The following THBS2 variants were observed in gnomAD, a reference collection of about 807,000 sequenced individuals.
THBS2 encodes thrombospondin-2.
In THBS2, 47 loss-of-function variants were observed where a neutral mutation model predicts 135.2. The ratio of observed to expected loss-of-function variants is 0.35; its 90% confidence interval spans 0.28 to 0.44. The LOEUF (loss-of-function observed/expected upper bound fraction) is 0.44. Among genes scored for constraint, THBS2 ranks in the 20% least tolerant of loss-of-function variants. The probability of loss-of-function intolerance (pLI) is 1.00; values close to 1 mark genes in which losing one functional copy is unlikely to be tolerated. For missense variants in THBS2, 1,288 were observed against 1,603.1 expected (o/e 0.80, Z 3.36); for synonymous variants, 639 against 633.8 (o/e 1.01, Z -0.12).
chr6:169,233,028 G>A lies in THBS2; in HGVS notation c.1652-11C>T. 1 of 1,531,754 alleles carries A rather than the reference G, an allele frequency of 6.5e-7. No homozygotes were observed. The highest frequency in any genetic ancestry group is 8.7e-7 in the Non-Finnish European group (1 of 1,143,518). The allele number at this position is 1,531,754 out of a possible 1,614,324, so 94.9% of individuals were successfully genotyped here. ...TGGATAAACAGCCATCTGGGTGGGA[G>A]AAGGCGGAGCAGAGTTCACCACGCG... is the stretch of plus-strand genomic sequence containing the variant. On this transcript the variant is annotated splice_polypyrimidine_tract_variant and intron_variant, in intron 10 of 21. Coordinates refer to ENST00000617924, the MANE Select transcript of THBS2 (RefSeq NM_003247.5).
intron 21 of THBS2, among the ~76,000 whole-genome samples, chr6:169,218,213 T>G: frequency 1.5e-5 from 2 of 130,996 alleles, no homozygotes; most frequent in Non-Finnish European, 3.2e-5. Flanking sequence ...AATGGGTGGA[T>G]GGATGATGAG....
At chr6:169,247,689 C>T (rs1352434658) in intron 3 of THBS2, among the ~76,000 whole-genome samples, 1 of 150,358 alleles carries the variant, frequency 6.7e-6, no homozygotes, top group Non-Finnish European at 1.5e-5. Context: ...CTGTTTTGTG[C>T]ACACATGTAT....
chr6:169,249,843 A>G (rs1203711638), intron 2 of THBS2, among the ~76,000 whole-genome samples: 1 of 152,114 alleles, frequency 6.6e-6, no homozygotes, highest in Non-Finnish European at 1.5e-5. Flanking sequence ...ATCATGGCTA[A>G]CGTGGTGAAA....
At position 169,240,455 on chromosome 6, in the gene THBS2, G is replaced by T. The variant is rs755067615; in HGVS notation, c.1029C>A (p.Cys343Ter). 2 of 1,613,326 alleles carry T rather than the reference G, an allele frequency of 1.2e-6. No individual in the cohort carries two copies. The highest frequency in any genetic ancestry group is 1.7e-6 in the Non-Finnish European group (2 of 1,179,916). ...WVVDSCTTCTCKKFKTICHQI... is the reference protein window; with the variant it reads ...WVVDSCTTCT Reference sequence around the variant, plus strand: ...GAGCCGTGTTCTGGGGCCTCACCTTGCAGGTACACGTGGTGCAGCTGTCCA... The same window carrying T: ...GAGCCGTGTTCTGGGGCCTCACCTTTCAGGTACACGTGGTGCAGCTGTCCA... Residue 343 changes from cysteine (C) to a stop codon, truncating the protein, a stop_gained, in exon 6 of 22, where the codon TGC (cysteine) becomes TGA (stop). Transcript: ENST00000617924. LOFTEE classifies it high-confidence loss of function.
intron 4 of THBS2, among the ~76,000 whole-genome samples, chr6:169,242,634 A>AT (rs1562363073): frequency 0.017 from 93 of 5,636 alleles, 1 homozygote; most frequent in Admixed American, 0.03. Context: ...CCTTCCCACC[A>AT]CTCCCACCTT....
chr6:169,237,992 G>A (rs879333496), intron 7 of THBS2, among the ~76,000 whole-genome samples, 197 bp from the exon 8 acceptor site: 9 of 152,310 alleles, frequency 5.9e-5, no homozygotes, highest in East Asian at 3.9e-4. Context: ...TGACCTGCAC[G>A]GGAGTTCAGG....
intron 4 of THBS2, chr6:169,245,967 T>C: frequency 2.6e-6 from 1 of 386,032 alleles, no homozygotes; most frequent in Admixed American, 4.0e-5. Flanking sequence ...ATTTGGATGA[T>C]TAAAATCTAC....
chr6:169,236,530 A>C, intron 9 of THBS2, among the ~76,000 whole-genome samples: 2 of 96,998 alleles, frequency 2.1e-5, no homozygotes, highest in African/African-American at 4.1e-5. Flanking sequence ...CCCCATCCAC[A>C]CTCATTCCCC....
chr6:169,236,414 ACCATCCACACTCACTCC>A (rs1780075124), intron 9 of THBS2, among the ~76,000 whole-genome samples: 2 of 60,992 alleles, frequency 3.3e-5, no homozygotes, highest in South Asian at 1.3e-3. Flanking sequence ...CCCCATAAAC[ACCATCCACACTCACTCC>A]CCATCCACAC....
intron 16 of THBS2, among the ~76,000 whole-genome samples, chr6:169,225,976 C>T (rs1029454781): frequency 7.9e-5 from 12 of 152,252 alleles, no homozygotes; most frequent in Admixed American, 2.6e-4. Context: ...TCCATGTTAT[C>T]CTGTCTTTGT....
Position 169,239,028 on chromosome 6 carries a change from G to A in THBS2, c.1129+571C>T, listed in dbSNP as rs367619538. Among the ~76,000 whole-genome samples the A allele has an allele frequency of 3.0e-4, 46 of 152,228 alleles. 1 individual carries two copies. The East Asian group carries it at 7.5e-3, about 25-fold the overall frequency. ...GGTGGGAGGCAGCACAGAGACCTGA[G>A]GGCAGCGTTGGGGCCAACTCAGTCT... is the stretch of plus-strand genomic sequence containing the variant. On this transcript the variant is annotated intron_variant, in intron 7 of 21. Coordinates refer to ENST00000617924, the MANE Select transcript of THBS2 (RefSeq NM_003247.5).
intron 5 of THBS2, among the ~76,000 whole-genome samples, chr6:169,240,832 C>T (rs73043894): frequency 0.044 from 6,717 of 152,188 alleles, 216 homozygotes; most frequent in Non-Finnish European, 0.065. Context: ...TCCTGGAGAG[C>T]GGAAATCGCG....
intron 3 of THBS2, 89 bp downstream of exon 3, chr6:169,248,328 C>A: frequency 6.9e-7 from 1 of 1,446,910 alleles, no homozygotes; most frequent in Non-Finnish European, 9.3e-7. Flanking sequence ...TCTGCCTGCT[C>A]AAGCATCGCA....
intron 3 of THBS2, among the ~76,000 whole-genome samples, chr6:169,246,601 C>T (rs761018802): frequency 3.3e-5 from 5 of 152,166 alleles, no homozygotes; most frequent in Non-Finnish European, 7.3e-5. Context: ...TTCCCATGGA[C>T]GTTCAAGGCC....
intron 19 of THBS2, 149 bp from the exon 20 acceptor site, chr6:169,221,676 C>T (rs538596085): frequency 1.4e-6 from 1 of 703,464 alleles, no homozygotes; most frequent in East Asian, 2.7e-5. Context: ...TGTTTATCAT[C>T]CAAATCTCTA....
At chr6:169,227,835 A>G (rs1779693556) in intron 15 of THBS2, among the ~76,000 whole-genome samples, 1 of 152,110 alleles carries the variant, frequency 6.6e-6, no homozygotes. Context: ...TAATCCCAGC[A>G]CTTTGGGAGG....
At chr6:169,219,052 A>AGATG (rs369239329) in intron 21 of THBS2, among the ~76,000 whole-genome samples, 2 of 136,882 alleles carry the variant, frequency 1.5e-5, no homozygotes, top group Non-Finnish European at 3.1e-5. Flanking sequence ...TGGGTGGATG[A>AGATG]GATGGATGGA....
At chr6:169,244,709 C>T (rs1486866641) in intron 4 of THBS2, among the ~76,000 whole-genome samples, 1 of 152,144 alleles carries the variant, frequency 6.6e-6, no homozygotes, top group African/African-American at 2.4e-5. Flanking sequence ...CAGGAACCCC[C>T]AGAAGAGCAC....
At chr6:169,242,860 C>T (rs1780390325) in intron 4 of THBS2, among the ~76,000 whole-genome samples, 1 of 117,378 alleles carries the variant, frequency 8.5e-6, no homozygotes, top group Non-Finnish European at 1.8e-5. Context: ...CTCCCACCTT[C>T]CCACCTTCCC....
Sources: gnomAD v4.1 joint callset for allele counts (sites outside exome capture counted in the v4.1 genomes callset) on GRCh38, gnomAD v4.1.1 for gene constraint, MANE v1.5 for transcripts, NCBI Gene and HGNC (gene_info 2026-07-23, HGNC 2026-07-21) for gene names.